Variants in XNDC1N observed in about 807,000 individuals in gnomAD.
The protein encoded by XNDC1N is XRCC1 N-terminal domain containing 1, N-terminal like.
At chr11:71,903,861 C>T in the XNDC1N span, 1 of 360,636 alleles carries the variant, frequency 2.8e-6, no homozygotes, top group Non-Finnish European at 5.5e-6. Context: ...AAAATTGTTT[C>T]CTCCATTCTG....
At chr11:71,866,607 T>C in the XNDC1N span, among the ~76,000 whole-genome samples, 2 of 151,946 alleles carry the variant, frequency 1.3e-5, no homozygotes, top group Non-Finnish European at 2.9e-5. Context: ...CTACTAAAAA[T>C]ACAAAAATTA....
the XNDC1N span, among the ~76,000 whole-genome samples, chr11:71,896,010 G>T: frequency 2.0e-5 from 3 of 152,180 alleles, no homozygotes; most frequent in African/African-American, 7.2e-5. Flanking sequence ...AGGTGTGGTG[G>T]CTCAGGCCTG....
chr11:71,909,127 G>A, the XNDC1N span, among the ~76,000 whole-genome samples: 3,947 of 152,234 alleles, frequency 0.026, 164 homozygotes, highest in African/African-American at 0.09. Context: ...GCTTTAGTCC[G>A]TCAAAGCCCA....
chr11:71,917,396 T>C, the XNDC1N span: 2 of 615,594 alleles, frequency 3.2e-6, no homozygotes, highest in Non-Finnish European at 5.8e-6. Context: ...ATATAAATAG[T>C]TCATAAATCT....
the XNDC1N span, among the ~76,000 whole-genome samples, chr11:71,910,194 G>A: frequency 1.3e-5 from 2 of 152,178 alleles, no homozygotes; most frequent in Admixed American, 1.3e-4. Flanking sequence ...ACGGACCAAG[G>A]ACTACCAGCC....
the XNDC1N span, among the ~76,000 whole-genome samples, chr11:71,884,054 A>G: frequency 3.3e-5 from 5 of 152,138 alleles, no homozygotes; most frequent in African/African-American, 1.2e-4. Context: ...TTCCATCCCC[A>G]ATGACTTTTT....
chr11:71,878,202 C>T, the XNDC1N span, among the ~76,000 whole-genome samples: 3 of 152,190 alleles, frequency 2.0e-5, no homozygotes, highest in Non-Finnish European at 4.4e-5. Context: ...CCTGCCTTTG[C>T]CATGGCTGTG....
chr11:71,886,678 C>T, the XNDC1N span, among the ~76,000 whole-genome samples: 1 of 152,264 alleles, frequency 6.6e-6, no homozygotes, highest in Middle Eastern at 3.4e-3. Flanking sequence ...CGTCAAAGCG[C>T]AGAAGACATG....
the XNDC1N span, among the ~76,000 whole-genome samples, chr11:71,912,647 C>G: frequency 2.6e-4 from 40 of 152,250 alleles, no homozygotes; most frequent in African/African-American, 9.1e-4. Context: ...CCTCTCCCCT[C>G]ACGATTATTA....
At chr11:71,899,773 G>C in the XNDC1N span, among the ~76,000 whole-genome samples, 11 of 152,208 alleles carry the variant, frequency 7.2e-5, no homozygotes, top group African/African-American at 2.7e-4. Flanking sequence ...GGAGGAGAAA[G>C]ACCTGACCGT....
chr11:71,895,219 TTCTTCAAATATTA>T, the XNDC1N span, among the ~76,000 whole-genome samples: 2 of 152,134 alleles, frequency 1.3e-5, no homozygotes, highest in Non-Finnish European at 2.9e-5. Flanking sequence ...GTAGTATGAT[TTCTTCAAATATTA>T]TCTTCAAATG....
the XNDC1N span, among the ~76,000 whole-genome samples, chr11:71,901,092 G>C: frequency 1.3e-5 from 2 of 152,176 alleles, no homozygotes; most frequent in African/African-American, 2.4e-5. Context: ...AAGGACAGCT[G>C]AGATCACATC....
the XNDC1N span, among the ~76,000 whole-genome samples, chr11:71,904,834 C>A: frequency 6.6e-6 from 1 of 151,888 alleles, no homozygotes; most frequent in Non-Finnish European, 1.5e-5. Flanking sequence ...GAGGAACATG[C>A]CCCTAGGATG....
chr11:71,897,726 A>G, the XNDC1N span, among the ~76,000 whole-genome samples: 5 of 152,242 alleles, frequency 3.3e-5, no homozygotes, highest in African/African-American at 4.8e-5. Flanking sequence ...ACCAAAAAGA[A>G]TTAGAAGCCA....
At chr11:71,868,526 C>T in the XNDC1N span, among the ~76,000 whole-genome samples, 1 of 152,068 alleles carries the variant, frequency 6.6e-6, no homozygotes, top group Non-Finnish European at 1.5e-5. Context: ...TTTATTTCTC[C>T]TTTGCTTATA....
chr11:71,870,347 G>T, the XNDC1N span, among the ~76,000 whole-genome samples: 1 of 152,114 alleles, frequency 6.6e-6, no homozygotes, highest in Non-Finnish European at 1.5e-5. Context: ...GGGGGCCAAG[G>T]CTCAGCTCAT....
chr11:71,907,527 G>A, the XNDC1N span, among the ~76,000 whole-genome samples: 3 of 151,952 alleles, frequency 2.0e-5, no homozygotes, highest in South Asian at 4.1e-4. Flanking sequence ...CATATTGTGA[G>A]TAATATCACC....
the XNDC1N span, among the ~76,000 whole-genome samples, chr11:71,897,274 C>G: frequency 5.1e-4 from 77 of 152,140 alleles, 1 homozygote; most frequent in East Asian, 0.013. Flanking sequence ...AAAAACATGG[C>G]GAACTGAGTG....
chr11:71,895,541 G>T, the XNDC1N span, among the ~76,000 whole-genome samples: 16 of 141,916 alleles, frequency 1.1e-4, no homozygotes, highest in African/African-American at 4.3e-4. Flanking sequence ...TGGTCAGGCT[G>T]GTCTTGAACT....
Sources: gnomAD v4.1 joint callset for allele counts (sites outside exome capture counted in the v4.1 genomes callset) on GRCh38, gnomAD v4.1.1 for gene constraint, MANE v1.5 for transcripts, NCBI Gene and HGNC (gene_info 2026-07-23, HGNC 2026-07-21) for gene names.